THBS2: variants seen among roughly 807,000 people sequenced by gnomAD.
THBS2 encodes the protein thrombospondin-2.
Under a neutral mutation model 135.2 loss-of-function variants are expected in THBS2, and 47 were observed. The ratio of observed to expected loss-of-function variants is 0.35; its 90% confidence interval spans 0.28 to 0.44. THBS2 has a LOEUF of 0.44. Among genes scored for constraint, THBS2 ranks in the 20% least tolerant of loss-of-function variants. The pLI is 1.00. For synonymous variants in THBS2, 639 were observed against 633.8 expected, an observed-to-expected ratio of 1.01 and a Z score of -0.12; for missense variants, 1,288 against 1,603.1, an observed-to-expected ratio of 0.80 and a Z score of 3.36.
At chr6:169,225,582 C>T (rs1779600729) in intron 16 of THBS2, among the ~76,000 whole-genome samples, 1 of 152,250 alleles carries the variant, frequency 6.6e-6, no homozygotes, top group Non-Finnish European at 1.5e-5. Context: ...CCAGGAATCT[C>T]TCCACCCTCT....
chr6:169,237,645 A>G lies in THBS2; in HGVS notation c.1280T>C (p.Leu427Pro), dbSNP rs1172434823. 6.2e-7 allele frequency: 1 copy of G among 1,612,742 alleles called. No individual in the cohort carries two copies. Among genetic ancestry groups the G allele is most frequent in the South Asian group, 1.1e-5 (1 of 91,076 alleles). Residue 427 changes from leucine to proline, a missense_variant, in exon 8 of 22, where the codon CTG becomes CCG. Coordinates refer to ENST00000617924, the MANE Select transcript of THBS2 (RefSeq NM_003247.5). ...CTCACTGCGGGTGTCACACTTGCTC[A>G]GACTGCAAGCCCGTGTCTGGATGGA... Reference protein sequence around the residue: ...GPSIQTRACSLSKCDTRIRQD... With the variant: ...GPSIQTRACSPSKCDTRIRQD...
chr6:169,242,043 C>T lies in THBS2; in HGVS notation c.695-85G>A, dbSNP rs74753207. The T allele has an allele frequency of 2.1e-3, 3,100 of 1,463,884 alleles. 54 individuals carry two copies. In the African/African-American group the frequency reaches 0.039, roughly 18 times the overall value. The allele number at this position is 1,463,884 out of a possible 1,614,324, so 90.7% of individuals were successfully genotyped here. Reference sequence around the variant, plus strand: ...TGGGAACAGAGGGAGGATGACCCGCCCTGGCTCCCGGAGCGGCCTGGTGCT... The same window carrying T: ...TGGGAACAGAGGGAGGATGACCCGCTCTGGCTCCCGGAGCGGCCTGGTGCT... On this transcript the variant is annotated intron_variant, in intron 4 of 21. Coordinates refer to ENST00000617924, the MANE Select transcript of THBS2 (RefSeq NM_003247.5).
intron 20 of THBS2, among the ~76,000 whole-genome samples, chr6:169,220,693 A>T (rs555389511): frequency 6.6e-6 from 1 of 152,128 alleles, no homozygotes; most frequent in African/African-American, 2.4e-5. Context: ...CCTTGTGCTA[A>T]AACCATGAGC....
rs1780130764 is a variant in THBS2, at chr6:169,237,217, T to G, written c.1430A>C (p.Lys477Thr). 5 of 1,612,782 alleles carry G rather than the reference T, an allele frequency of 3.1e-6. No homozygotes were observed. Among genetic ancestry groups the G allele is most frequent in the Non-Finnish European group, 4.2e-6 (5 of 1,179,968 alleles). ...GGCTTTGGTCTCCCGGCCACTCCCT[T>G]TGCAATTCTTGCCCCCCATCTGGGG... is the stretch of plus-strand genomic sequence containing the variant. ...PVPQMGGKNC[K>T]GSGRETKACQ... The change falls in exon 9 of 22, where the codon AAA becomes ACA. Residue 477 changes from lysine (K) to threonine (T), a missense_variant. This residue lies in a region of THBS2 where 874 missense variants were observed against 1,156.1 expected (regional missense o/e 0.76). Transcript: ENST00000617924.
chr6:169,248,841 T>A lies in THBS2; in HGVS notation c.185A>T (p.Tyr62Phe). 6.2e-7 allele frequency: 1 copy of A among 1,611,114 alleles called. No homozygotes were observed. The highest frequency in any genetic ancestry group is 8.5e-7 in the Non-Finnish European group (1 of 1,179,968). The stretch of plus-strand genomic sequence containing the variant: ...GTCATCTGCGTTCACCGGTGGGATG[T>A]AGTCAAAGCGCACGAAGCGGTAAGC... ...VPAYRFVRFDYIPPVNADDLS... is the reference protein window; with the variant it reads ...VPAYRFVRFDFIPPVNADDLS... Residue 62 changes from tyrosine to phenylalanine, a missense_variant, in exon 3 of 22, where the codon TAC becomes TTC. Transcript: ENST00000617924.
In THBS2 at chr6:169,234,830, G is replaced by C; in HGVS notation, c.1555C>G (p.Arg519Gly). The change falls in exon 10 of 22, where the codon CGG becomes GGG. Residue 519 changes from arginine (R) to glycine (G), a missense_variant. Physicochemically the swap from Arg to Gly is moderately radical, Grantham distance 125 (BLOSUM62 -2). Around this residue, in one of 2 missense-constraint regions of THBS2, gnomAD observed 874 missense variants for 1,156.1 expected, o/e 0.76. Transcript: ENST00000617924. ...TCAGGIRERT[R>G]VCNSPEPQYG... ...TGAGGCTCAGGGCTGTTGCAGACCC[G>C]GGTGCGCTCCCGGATCCCACCGGCA... 6.2e-7 allele frequency: 1 copy of C among 1,613,242 alleles called. No homozygotes were observed. Among genetic ancestry groups the C allele is most frequent in the Non-Finnish European group, 8.5e-7 (1 of 1,179,752 alleles).
At chr6:169,225,404 C>T (rs1420593228) in intron 16 of THBS2, 25 bp from the exon 17 acceptor site, 6 of 1,547,810 alleles carry the variant, frequency 3.9e-6, no homozygotes, top group Non-Finnish European at 5.2e-6. Context: ...GTGAGAGAAA[C>T]AGCAGAGGAC....
Position 169,232,218 on chromosome 6 carries a change from G to A in THBS2, c.1933-20C>T, listed in dbSNP as rs1265169476. 3.1e-6 allele frequency: 5 copies of A among 1,611,502 alleles called. No homozygotes were observed. The highest frequency in any genetic ancestry group is 4.2e-6 in the Non-Finnish European group (5 of 1,179,444). On this transcript the variant is annotated intron_variant, in intron 12 of 21. Transcript: ENST00000617924. ...ACACACCTACGGGGAGAAGGGCTGC[G>A]GGGTTAGCGACAGGCAGGACGATGG... is the stretch of plus-strand genomic sequence containing the variant.
intron 17 of THBS2, 105 bp from the exon 18 acceptor site, chr6:169,223,580 C>T: frequency 1.1e-6 from 1 of 890,300 alleles, no homozygotes; most frequent in Non-Finnish European, 1.8e-6. Context: ...ATGAGTGCAT[C>T]TTTCCCAGAA....
chr6:169,247,956 G>A (rs969026600), intron 3 of THBS2, among the ~76,000 whole-genome samples: 4 of 151,564 alleles, frequency 2.6e-5, no homozygotes, highest in East Asian at 2.0e-4. Context: ...CTGCATGTGC[G>A]TGCCCATGTA....
Position 169,216,363 on chromosome 6 carries a change from G to A in THBS2, c.*1459C>T, listed in dbSNP as rs1434454834. ...TCTCTTACTAAACCCCTTATGTGGA[G>A]TGGGATGAGTGACTATTTCCTGCAG... is the stretch of plus-strand genomic sequence containing the variant. On this transcript the variant is annotated 3_prime_UTR_variant, in exon 22 of 22. Coordinates refer to ENST00000617924, the MANE Select transcript of THBS2 (RefSeq NM_003247.5). The A allele has an allele frequency of 3.3e-5, 5 of 152,148 alleles. No homozygotes were observed. Among genetic ancestry groups the A allele is most frequent in the African/African-American group, 1.2e-4 (5 of 41,430 alleles). The allele number at this position is 152,148 out of a possible 1,614,324, so 9.4% of individuals were successfully genotyped here.
Position 169,226,289 on chromosome 6 carries a change from T to C in THBS2, c.2429A>G (p.Asn810Ser). ...SVDIDGDDVF[N>S]ERDNCPYVYN... ...GACGTAGGGACAATTGTCTCGTTCA[T>C]TGAAGACATCTGTAAGTGTTTAAAG... is the stretch of plus-strand genomic sequence containing the variant. The change falls in exon 16 of 22, where the codon AAT (asparagine) becomes AGT (serine). Residue 810 changes from asparagine to serine, a missense_variant. Around this residue, in one of 2 missense-constraint regions of THBS2, gnomAD observed 874 missense variants for 1,156.1 expected, o/e 0.76. Transcript: ENST00000617924. The C allele has an allele frequency of 4.3e-6, 7 of 1,613,664 alleles. No homozygotes were observed. Among genetic ancestry groups the C allele is most frequent in the South Asian group, 1.1e-5 (1 of 91,066 alleles).
At position 169,237,151 on chromosome 6, in the gene THBS2, C is replaced by T. The variant is rs749078902; in HGVS notation, c.1477+19G>A. ...CCTGCAAGCCCGCCCACCCAGGGCC[C>T]CGCCTTCACCGTACTTACTTGGGCA... On this transcript the variant is annotated intron_variant, in intron 9 of 21. Transcript: ENST00000617924. 2 of 1,590,322 alleles carry T rather than the reference C, an allele frequency of 1.3e-6. No homozygotes were observed. The highest frequency in any genetic ancestry group is 1.7e-6 in the Non-Finnish European group (2 of 1,172,430).
At position 169,228,143 on chromosome 6, in the gene THBS2, A is replaced by G. The variant is rs1350057056; in HGVS notation, c.2398T>C (p.Ser800Pro). 1 of 1,613,038 alleles carries G rather than the reference A, an allele frequency of 6.2e-7. No individual in the cohort carries two copies. Among genetic ancestry groups the G allele is most frequent in the South Asian group, 1.1e-5 (1 of 91,022 alleles). The change falls in exon 15 of 22, where the codon TCC becomes CCC. Residue 800 changes from serine (S) to proline (P), a missense_variant. Physicochemically the swap from Ser to Pro is moderately conservative, Grantham distance 74. Transcript: ENST00000617924. ...CCACCGTCCCCATCAATGTCCACGG[A>G]GCAGGCGTCACCCTCTCCATTGTTG... Reference protein sequence around the residue: ...TDNNGEGDACSVDIDGDDVFN... With the variant: ...TDNNGEGDACPVDIDGDDVFN...
intron 17 of THBS2, 40 bp downstream of exon 17, chr6:169,225,105 G>A: frequency 6.3e-7 from 1 of 1,596,552 alleles, no homozygotes; most frequent in Non-Finnish European, 8.6e-7. Flanking sequence ...TTGCTCAGAA[G>A]CCATTTTCCT....
At position 169,221,470 on chromosome 6, in the gene THBS2, T is replaced by C; in HGVS notation, c.3331A>G (p.Arg1111Gly). 6.2e-7 allele frequency: 1 copy of C among 1,614,010 alleles called. No individual in the cohort carries two copies. Among genetic ancestry groups the C allele is most frequent in the Non-Finnish European group, 8.5e-7 (1 of 1,180,034 alleles). ...NIGWKDYTAY[R>G]WHLTHRPKTG... ...TTGGGCCTGTGAGTCAGGTGCCACC[T>C]ATAGGCCGTGTAGTCCTTCCAGCCA... The change falls in exon 20 of 22, where the codon AGG (arginine) becomes GGG (glycine). Residue 1111 changes from arginine to glycine, a missense_variant. Arg to Gly is a moderately radical substitution (Grantham distance 125). Coordinates refer to ENST00000617924, the MANE Select transcript of THBS2 (RefSeq NM_003247.5).
In THBS2 at chr6:169,241,545, G is replaced by C. The variant is rs1780297901; in HGVS notation, c.891+217C>G. On this transcript the variant is annotated intron_variant, in intron 5 of 21. Transcript: ENST00000617924. The surrounding 1 kb of genome is among the most constrained non-coding windows in gnomAD (Gnocchi z 5.5). ...ACTGTGCCCAGGACTGTTTTCCTTG[G>C]GAATACTTCCCAAGATCTACCCAAC... Among the ~76,000 whole-genome samples, 8 of 151,060 alleles carry C rather than the reference G, an allele frequency of 5.3e-5. No individual in the cohort carries two copies. Among genetic ancestry groups the C allele is most frequent in the Admixed American group, 5.3e-4 (8 of 15,188 alleles).
At chr6:169,236,491 C>CCCCA (rs562769962) in intron 9 of THBS2, among the ~76,000 whole-genome samples, 26 of 87,934 alleles carry the variant, frequency 3.0e-4, no homozygotes, top group Admixed American at 3.7e-4. Flanking sequence ...CACACTCACT[C>CCCCA]TCCACATTCA....
intron 13 of THBS2, among the ~76,000 whole-genome samples, chr6:169,230,927 TTAAA>T (rs1417845329): frequency 1.3e-5 from 2 of 152,228 alleles, no homozygotes; most frequent in South Asian, 4.1e-4. Context: ...TGATTAAATA[TTAAA>T]TAAATGAATA....
Sources: gnomAD v4.1 joint callset for allele counts (sites outside exome capture counted in the v4.1 genomes callset) on GRCh38, gnomAD v4.1.1 for gene constraint, gnomAD v4.1.1 regional missense constraint, Gnocchi (gnomAD v3.1) non-coding constraint, MANE v1.5 for transcripts, NCBI Gene and HGNC (gene_info 2026-07-23, HGNC 2026-07-21) for gene names.